The following KIF12 variants were observed in gnomAD, a reference collection of about 807,000 sequenced individuals.
The protein encoded by KIF12 is kinesin-like protein KIF12.
In KIF12, 80 loss-of-function variants were observed where a neutral mutation model predicts 87.9. The observed-to-expected ratio is 0.91, with a 90% confidence interval of 0.76 to 1.10. The LOEUF is 1.10. KIF12 is among the 50% of genes least tolerant of loss of function. KIF12 has a pLI of 0.00. For synonymous variants in KIF12, 353 were observed against 348.5 expected (o/e 1.01, Z -0.14); for missense variants, 819 against 865.3 (o/e 0.95, Z 0.67).
intron 12 of KIF12, 34 bp downstream of exon 12, chr9:114,094,319 T>A: frequency 6.2e-7 from 1 of 1,609,790 alleles, no homozygotes; most frequent in Non-Finnish European, 8.5e-7. Context: ...CCAGACCCTA[T>A]CCCCATCCTA....
chr9:114,094,829 C>A (rs1305182442), intron 11 of KIF12, among the ~76,000 whole-genome samples, 194 bp downstream of exon 11: 1 of 152,192 alleles, frequency 6.6e-6, no homozygotes, highest in Non-Finnish European at 1.5e-5. Flanking sequence ...CCTAGACCTG[C>A]CCTAAACCTG....
chr9:114,092,953 G>T, intron 16 of KIF12: 1 of 1,414,264 alleles, frequency 7.1e-7, no homozygotes, highest in Non-Finnish European at 9.2e-7. Flanking sequence ...GTAAGTGAAT[G>T]TATGATTCAG....
chr9:114,096,371 A>T lies in KIF12; in HGVS notation c.738+16T>A. On this transcript the variant is annotated intron_variant, in intron 8 of 18. Coordinates refer to ENST00000640217, the MANE Select transcript of KIF12 (RefSeq NM_001388308.1). ...GGTGGCCCCGGGTAAGCACCTTCCCAGGCTGGAGCACTCACAGTTTGACGG... is the reference window on the plus strand; with the variant it reads ...GGTGGCCCCGGGTAAGCACCTTCCCTGGCTGGAGCACTCACAGTTTGACGG... 3.7e-6 allele frequency: 6 copies of T among 1,610,128 alleles called. No individual in the cohort carries two copies. Among genetic ancestry groups the T allele is most frequent in the Non-Finnish European group, 5.1e-6 (6 of 1,178,060 alleles).
chr9:114,098,350 A>G lies in KIF12; in HGVS notation c.251T>C (p.Val84Ala). The G allele has an allele frequency of 2.0e-6, 3 of 1,495,640 alleles. No homozygotes were observed. The South Asian group carries it at 3.9e-5, about 19-fold the overall frequency. The allele number at this position is 1,495,640 out of a possible 1,614,324, so 92.6% of individuals were successfully genotyped here. The change falls in exon 4 of 19, where the codon GTG (valine) becomes GCG (alanine). Residue 84 changes from valine to alanine, a missense_variant. By Grantham distance (64) the Val-to-Ala change is moderately conservative (BLOSUM62 0). Coordinates refer to ENST00000640217, the MANE Select transcript of KIF12 (RefSeq NM_001388308.1). ...GCGCCGCACGCCGCACGCCCGGAACACGTCCTCCTGCGTGCGCGCCGCGTC... is the reference window on the plus strand; with the variant it reads ...GCGCCGCACGCCGCACGCCCGGAACGCGTCCTCCTGCGTGCGCGCCGCGTC... The part of the protein sequence containing the change: ...VLDAARTQED[V>A]FRACGVRRLG...
chr9:114,099,080 G>A (rs1331069488), intron 2 of KIF12, 24 bp downstream of exon 2: 1 of 1,550,452 alleles, frequency 6.4e-7, no homozygotes, highest in East Asian at 2.4e-5. Flanking sequence ...TCGCCCAGGT[G>A]CCTCCTAGCC....
In KIF12 at chr9:114,098,336, C is replaced by T; in HGVS notation, c.265G>A (p.Gly89Ser). 2 of 1,486,240 alleles carry T rather than the reference C, an allele frequency of 1.3e-6. No individual in the cohort carries two copies. The highest frequency in any genetic ancestry group is 1.8e-6 in the Non-Finnish European group (2 of 1,122,808). The allele number at this position is 1,486,240 out of a possible 1,614,324, so 92.1% of individuals were successfully genotyped here. The change falls in exon 4 of 19, where the codon GGC becomes AGC. Residue 89 changes from glycine (G) to serine (S), a missense_variant. Coordinates refer to ENST00000640217, the MANE Select transcript of KIF12 (RefSeq NM_001388308.1). ...RTQEDVFRAC[G>S]VRRLGELALR... ...GCCAGCTCCCCCAGGCGCCGCACGC[C>T]GCACGCCCGGAACACGTCCTCCTGC...
chr9:114,097,308 C>T lies in KIF12; in HGVS notation c.639G>A (p.Leu213=). The T allele has an allele frequency of 5.6e-6, 9 of 1,609,644 alleles. No individual in the cohort carries two copies. The highest frequency in any genetic ancestry group is 2.2e-5 in the South Asian group (2 of 90,160). Residue 213 remains leucine (L), a synonymous_variant, in exon 7 of 19, where the codon TTG becomes TTA. Coordinates refer to ENST00000640217, the MANE Select transcript of KIF12 (RefSeq NM_001388308.1). ...CCCGCTGTCAGCACACACCCGTTTGCAAAAGTTCCATCAGGGCCTCCAGAC... is the reference window on the plus strand; with the variant it reads ...CCCGCTGTCAGCACACACCCGTTTGTAAAAGTTCCATCAGGGCCTCCAGAC... ...FGSLEALMEL[L]QTGLSRRRNS...
intron 16 of KIF12, 119 bp downstream of exon 16, chr9:114,093,110 T>G: frequency 8.6e-7 from 1 of 1,167,538 alleles, no homozygotes; most frequent in Non-Finnish European, 1.2e-6. Flanking sequence ...AGGCCAGCCA[T>G]TCACTCCCCA....
In KIF12 at chr9:114,096,414, C is replaced by T; in HGVS notation, c.711G>A (p.Leu237=). Residue 237 remains leucine, a synonymous_variant, in exon 8 of 19, where the codon CTG becomes CTA. Transcript: ENST00000640217. ...LNQASSRSHA[L]LTLYISRQTA... is the part of the protein sequence containing the mutation. ...TTTGACGGCTGATGTAAAGGGTGAG[C>T]AGGGCATGGCTTCGGCTGGAGGCCT... The T allele has an allele frequency of 6.2e-7, 1 of 1,613,158 alleles. No individual in the cohort carries two copies. The highest frequency in any genetic ancestry group is 8.5e-7 in the Non-Finnish European group (1 of 1,179,694).
At position 114,094,284 on chromosome 9, in the gene KIF12, A is replaced by G. The variant is rs202004050; in HGVS notation, c.1223-13T>C. 5.3e-4 allele frequency: 858 copies of G among 1,613,498 alleles called. No individual in the cohort carries two copies. The highest frequency in any genetic ancestry group is 1.0e-3 in the Admixed American group (62 of 59,994). On this transcript the variant is annotated splice_polypyrimidine_tract_variant and intron_variant, in intron 12 of 18. Transcript: ENST00000640217. ...CTGAGCCCTGAGGCTGCAGGGAAGCAGGAGGTGGTGGATCCACAGGAGCCC... is the reference window on the plus strand; with the variant it reads ...CTGAGCCCTGAGGCTGCAGGGAAGCGGGAGGTGGTGGATCCACAGGAGCCC...
intron 1 of KIF12, 40 bp from the exon 2 acceptor site, chr9:114,099,209 G>A (rs1490680389): frequency 1.9e-6 from 3 of 1,550,760 alleles, no homozygotes; most frequent in East Asian, 4.9e-5. Flanking sequence ...TGCACCTAGC[G>A]GCTGTTCAGG....
intron 16 of KIF12, chr9:114,092,861 C>A: frequency 7.0e-7 from 1 of 1,432,580 alleles, no homozygotes; most frequent in Non-Finnish European, 9.1e-7. Flanking sequence ...AGAGCAGGAA[C>A]CACGTCTGGT....
intron 18 of KIF12, 84 bp downstream of exon 18, chr9:114,092,249 G>T: frequency 1.3e-6 from 2 of 1,485,802 alleles, no homozygotes; most frequent in Non-Finnish European, 1.8e-6. Context: ...CCATTTCAGA[G>T]ATAAGACTGA....
At position 114,094,349 on chromosome 9, in the gene KIF12, A is replaced by G; in HGVS notation, c.1222+4T>C. 1 of 1,613,178 alleles carries G rather than the reference A, an allele frequency of 6.2e-7. No homozygotes were observed. Among genetic ancestry groups the G allele is most frequent in the Non-Finnish European group, 8.5e-7 (1 of 1,179,194 alleles). On this transcript the variant is annotated splice_donor_region_variant and intron_variant, in intron 12 of 18. Transcript: ENST00000640217. ...ATCCTACTCTGCCTCCAGGAAGCCC[A>G]TACCCTTGCAGTCCATTTGGTCCAG...
chr9:114,095,519 G>A (rs541075867), intron 9 of KIF12, among the ~76,000 whole-genome samples, 187 bp from the exon 10 acceptor site: 1 of 152,328 alleles, frequency 6.6e-6, no homozygotes, highest in Admixed American at 6.5e-5. Context: ...GGCAGAGAAG[G>A]CCCTGTATAC....
intron 12 of KIF12, 27 bp from the exon 13 acceptor site, chr9:114,094,298 C>T: frequency 1.2e-6 from 2 of 1,611,876 alleles, no homozygotes; most frequent in Non-Finnish European, 1.7e-6. Context: ...GGTGGTGGAT[C>T]CACAGGAGCC....
At chr9:114,092,926 G>A in intron 16 of KIF12, 2 of 1,431,036 alleles carry the variant, frequency 1.4e-6, no homozygotes, top group Non-Finnish European at 9.1e-7. Flanking sequence ...CAAGGAGCTT[G>A]GGGAGTTACT....
At chr9:114,097,864 T>C (rs1847303432) in intron 5 of KIF12, 123 bp from the exon 6 acceptor site, 4 of 1,173,346 alleles carry the variant, frequency 3.4e-6, no homozygotes, top group South Asian at 1.5e-5. Flanking sequence ...ATTTAATTCA[T>C]AGTCGGTACT....
Position 114,098,917 on chromosome 9 carries a change from G to C in KIF12, c.171+18C>G. 6.5e-7 allele frequency: 1 copy of C among 1,544,596 alleles called. No individual in the cohort carries two copies. The highest frequency in any genetic ancestry group is 1.4e-5 in the African/African-American group (1 of 72,906). Reference sequence around the variant, plus strand: ...CCCGGGATTTTTTATTGGGGAGATAGAGAGAGGGGTTCCTCACCTGCAGAG... The same window carrying C: ...CCCGGGATTTTTTATTGGGGAGATACAGAGAGGGGTTCCTCACCTGCAGAG... On this transcript the variant is annotated intron_variant, in intron 3 of 18. Coordinates refer to ENST00000640217, the MANE Select transcript of KIF12 (RefSeq NM_001388308.1).
Sources: allele counts gnomAD v4.1 joint callset (sites outside exome capture counted in the v4.1 genomes callset), GRCh38; gene constraint gnomAD v4.1.1; transcripts MANE v1.5; gene names NCBI Gene and HGNC (gene_info 2026-07-23, HGNC 2026-07-21).